Variants in ZNF536 observed in about 807,000 individuals in gnomAD.
ZNF536 encodes zinc finger protein 536.
ZNF536 carries 13 observed loss-of-function variants against 84.5 expected under a neutral mutation model. The observed-to-expected ratio is 0.15, with a 90% CI of 0.10 to 0.24. The LOEUF (loss-of-function observed/expected upper bound fraction) is 0.24. Ranked by LOEUF, ZNF536 falls within the 10% of genes least tolerant of loss-of-function variation. ZNF536 has a pLI of 1.00. For synonymous variants in ZNF536, 811 were observed against 742.5 expected (o/e 1.09, Z -1.50); for missense variants, 1,536 against 1,747.5 (o/e 0.88, Z 2.16).
chr19:30,704,148 A>G (rs907578166), intron 1 of ZNF536, among the ~76,000 whole-genome samples: 6 of 152,178 alleles, frequency 3.9e-5, no homozygotes, highest in African/African-American at 1.2e-4. Flanking sequence ...GCTCTCTCCA[A>G]TGGGGAGCTG....
chr19:30,311,646 ACT>A (rs956572469), intron 2 of ZNF536, among the ~76,000 whole-genome samples: 1 of 149,598 alleles, frequency 6.7e-6, no homozygotes, highest in African/African-American at 2.5e-5. Flanking sequence ...CCCCACCCCC[ACT>A]CTCTCATTCC....
chr19:30,234,150 T>C (rs2023288136), intron 1 of ZNF536, among the ~76,000 whole-genome samples: 1 of 152,226 alleles, frequency 6.6e-6, no homozygotes, highest in Non-Finnish European at 1.5e-5. Flanking sequence ...TTAAGTGCTG[T>C]TATGACACAG....
intron 2 of ZNF536, among the ~76,000 whole-genome samples, chr19:30,322,152 A>G (rs926898606): frequency 2.0e-5 from 3 of 152,136 alleles, no homozygotes; most frequent in Non-Finnish European, 4.4e-5. Context: ...TCTTTTCCTC[A>G]GGCATCACGT....
At chr19:30,598,829 G>A (rs1286038754) in intron 1 of ZNF536, among the ~76,000 whole-genome samples, 1 of 152,004 alleles carries the variant, frequency 6.6e-6, no homozygotes, top group Admixed American at 6.6e-5. Flanking sequence ...AATTTCTTGG[G>A]AAAAATTTCT....
At chr19:30,703,093 G>T (rs2052057715) in intron 1 of ZNF536, among the ~76,000 whole-genome samples, 1 of 152,316 alleles carries the variant, frequency 6.6e-6, no homozygotes, top group Non-Finnish European at 1.5e-5. Context: ...AGAGGCAGCT[G>T]CATGGAGGCC....
intron 4 of ZNF536, chr19:30,554,086 C>G (rs987962786): frequency 4.2e-5 from 6 of 143,222 alleles, no homozygotes; most frequent in Non-Finnish European, 8.9e-5. Context: ...AATTGGGACC[C>G]CCCCCCCTCC....
intron 1 of ZNF536, among the ~76,000 whole-genome samples, chr19:30,627,496 A>G (rs1365355367): frequency 7.9e-6 from 1 of 126,896 alleles, no homozygotes; most frequent in East Asian, 2.4e-4. Flanking sequence ...AAAAAAAAAA[A>G]AAAAAAAGGC....
At chr19:30,388,075 G>T (rs939776884) in intron 1 of ZNF536, among the ~76,000 whole-genome samples, 1 of 152,198 alleles carries the variant, frequency 6.6e-6, no homozygotes, top group Non-Finnish European at 1.5e-5. Context: ...GAGGCTGTAA[G>T]AGGTGCTGAT....
At chr19:30,382,205 C>T (rs8107585) in intron 1 of ZNF536, among the ~76,000 whole-genome samples, 2,053 of 152,270 alleles carry the variant, frequency 0.013, 47 homozygotes, top group African/African-American at 0.047. Flanking sequence ...GCGACAGACA[C>T]AGTTATTAGA....
intron 1 of ZNF536, among the ~76,000 whole-genome samples, chr19:30,230,610 C>A: frequency 6.6e-6 from 1 of 152,204 alleles, no homozygotes; most frequent in Non-Finnish European, 1.5e-5. Flanking sequence ...AGAGAGGCAG[C>A]TAGAAGGTGC....
chr19:30,608,046 A>G (rs2047960078), intron 1 of ZNF536, among the ~76,000 whole-genome samples: 1 of 152,212 alleles, frequency 6.6e-6, no homozygotes, highest in Non-Finnish European at 1.5e-5. Context: ...TTGTTATTTC[A>G]TGCAAAACTT....
chr19:30,638,505 A>G (rs1463962086), intron 1 of ZNF536, among the ~76,000 whole-genome samples: 6 of 152,182 alleles, frequency 3.9e-5, no homozygotes, highest in African/African-American at 9.7e-5. Flanking sequence ...GAAGTGCTAT[A>G]CACTTTTAAA....
intron 2 of ZNF536, among the ~76,000 whole-genome samples, chr19:30,310,710 C>T (rs999581508): frequency 3.3e-5 from 5 of 152,310 alleles, no homozygotes; most frequent in South Asian, 2.1e-4. Context: ...AACCGCTCCT[C>T]GGAGCCAGCT....
At chr19:30,517,098 A>G (rs1038167868) in intron 2 of ZNF536, among the ~76,000 whole-genome samples, 4 of 151,878 alleles carry the variant, frequency 2.6e-5, no homozygotes, top group African/African-American at 9.7e-5. Context: ...TTGAAATCTG[A>G]CTCAGGTTCT....
intron 2 of ZNF536, among the ~76,000 whole-genome samples, chr19:30,350,129 T>C (rs548806941): frequency 4.8e-4 from 73 of 152,254 alleles, no homozygotes; most frequent in African/African-American, 1.7e-3. Context: ...TTAACAACCA[T>C]TTTTGACCTA....
intron 2 of ZNF536, among the ~76,000 whole-genome samples, chr19:30,489,638 T>C (rs1285246974): frequency 6.6e-6 from 1 of 152,088 alleles, no homozygotes; most frequent in Non-Finnish European, 1.5e-5. Context: ...AATATAATGT[T>C]GAGAAAAAAT....
chr19:30,276,393 A>C (rs1346174287), intron 1 of ZNF536, among the ~76,000 whole-genome samples: 1 of 152,184 alleles, frequency 6.6e-6, no homozygotes, highest in African/African-American at 2.4e-5. Context: ...ATACTGGGAA[A>C]GTTTTTTTTC....
At chr19:30,406,695 GAC>G (rs2050274001) in intron 1 of ZNF536, among the ~76,000 whole-genome samples, 1 of 152,160 alleles carries the variant, frequency 6.6e-6, no homozygotes, top group Non-Finnish European at 1.5e-5. Flanking sequence ...CTTGGTGCCT[GAC>G]ACAGAGTGAC....
intron 1 of ZNF536, among the ~76,000 whole-genome samples, chr19:30,582,023 C>A (rs1014476151): frequency 2.0e-5 from 3 of 152,096 alleles, no homozygotes; most frequent in African/African-American, 7.2e-5. Flanking sequence ...GCAGGATTCC[C>A]AGTGGAATCC....
Sources: allele counts gnomAD v4.1 joint callset (sites outside exome capture counted in the v4.1 genomes callset), GRCh38; gene constraint gnomAD v4.1.1; transcripts MANE v1.5; gene names NCBI Gene and HGNC (gene_info 2026-07-23, HGNC 2026-07-21).